The following CD207 variants were observed in gnomAD, a reference collection of about 807,000 sequenced individuals.
CD207 encodes C-type lectin domain family 4 member K.
Under a neutral mutation model 31.6 loss-of-function variants are expected in CD207, and 28 were observed. The observed-to-expected ratio is 0.89, with a 90% CI of 0.66 to 1.21. The LOEUF is 1.21. Ranked by LOEUF, CD207 falls within the 50% of genes most tolerant of loss-of-function variation. CD207 has a pLI of 0.00. For synonymous variants in CD207, 168 were observed against 153.9 expected (o/e 1.09, Z -0.68); for missense variants, 388 against 397.8 (o/e 0.98, Z 0.21).
downstream of CD207, among the ~76,000 whole-genome samples, chr2:70,829,831 G>T (rs1407068559): frequency 7.2e-5 from 11 of 152,132 alleles, no homozygotes; most frequent in Admixed American, 7.2e-4. Context: ...CTCTGTGGTG[G>T]CTGCTGCCTG....
chr2:70,834,598 C>T (rs1483644069), intron 2 of CD207, among the ~76,000 whole-genome samples: 3 of 152,146 alleles, frequency 2.0e-5, no homozygotes, highest in African/African-American at 7.2e-5. Context: ...TTCCCTTGCC[C>T]CACCCACTTT....
At position 70,833,940 on chromosome 2, in the gene CD207, G is replaced by T. The variant is rs782461482; in HGVS notation, c.271C>A (p.Leu91Met). 1 of 1,574,628 alleles carries T rather than the reference G, an allele frequency of 6.4e-7. No homozygotes were observed. Among genetic ancestry groups the T allele is most frequent in the Admixed American group, 1.8e-5 (1 of 55,570 alleles). ...CTATTCTTTTTAATTTCAGAATCCA[G>T]GGTGCTGATGTTGTCCACACGACCT... Reference protein sequence around the residue: ...LKGRVDNISTLDSEIKKNSDG... With the variant: ...LKGRVDNISTMDSEIKKNSDG... The change falls in exon 3 of 6, where the codon CTG becomes ATG. Residue 91 changes from leucine to methionine, a missense_variant. Coordinates refer to ENST00000410009, the MANE Select transcript of CD207 (RefSeq NM_015717.5).
chr2:70,834,563 G>A (rs1553400616), intron 2 of CD207, among the ~76,000 whole-genome samples: 1 of 152,158 alleles, frequency 6.6e-6, no homozygotes, highest in African/African-American at 2.4e-5. Context: ...ACATGGAAGA[G>A]GAGATTACAA....
chr2:70,825,061 A>G, the CD207 span, among the ~76,000 whole-genome samples: 1 of 152,204 alleles, frequency 6.6e-6, no homozygotes, highest in Non-Finnish European at 1.5e-5. Context: ...AATGAATTCT[A>G]TTGATGGTAT....
downstream of CD207, among the ~76,000 whole-genome samples, chr2:70,826,272 G>C (rs13015834): frequency 6.6e-6 from 1 of 151,950 alleles, no homozygotes. Flanking sequence ...AATCTAGTCT[G>C]AGCTCTGAAA....
In CD207 at chr2:70,835,612, T is replaced by A. The variant is rs782811569; in HGVS notation, c.74-5A>T. 6.2e-7 allele frequency: 1 copy of A among 1,613,370 alleles called. No individual in the cohort carries two copies. Among genetic ancestry groups the A allele is most frequent in the Non-Finnish European group, 8.5e-7 (1 of 1,179,368 alleles). The stretch of plus-strand genomic sequence containing the variant: ...GACCGGACTTGGGAGGAGGCTCTGT[T>A]GGAAGAAGAAGAAAATGTGTGTTGA... On this transcript the variant is annotated splice_polypyrimidine_tract_variant and splice_region_variant and intron_variant, in intron 1 of 5. Transcript: ENST00000410009.
the CD207 span, among the ~76,000 whole-genome samples, chr2:70,824,567 C>G: frequency 1.6e-5 from 2 of 126,662 alleles, no homozygotes; most frequent in Non-Finnish European, 3.1e-5. Context: ...AGGAAATACT[C>G]AAGATGAGCC....
chr2:70,832,860 C>T (rs1020317527), intron 4 of CD207, 40 bp downstream of exon 4: 4 of 1,580,746 alleles, frequency 2.5e-6, no homozygotes, highest in Non-Finnish European at 3.4e-6. Flanking sequence ...GCCCAGTGCT[C>T]ATACGCCCCC....
At chr2:70,833,251 G>A (rs1677522503) in intron 3 of CD207, among the ~76,000 whole-genome samples, 200 bp from the exon 4 acceptor site, 1 of 152,136 alleles carries the variant, frequency 6.6e-6, no homozygotes, top group Non-Finnish European at 1.5e-5. Context: ...CTCTGGGACT[G>A]GAGAGGTTAT....
rs545026814 is a variant in CD207 at position 70,831,558 on chromosome 2, G to A, written c.836+143C>T. The A allele has an allele frequency of 9.0e-4, 602 of 665,920 alleles. 2 individuals carry two copies. Among genetic ancestry groups the A allele is most frequent in the Admixed American group, 1.3e-3 (59 of 44,368 alleles). 41.3% of individuals were successfully genotyped at this position (665,920 alleles called of 1,614,324 possible). On this transcript the variant is annotated intron_variant, in intron 5 of 5. Transcript: ENST00000410009. ...GCCAGTTGGTGACAGGGTTGTGCTC[G>A]ATCTTGGTTGCAATGTTCCTGTCAC...
chr2:70,824,638 A>AAAAAAAAAC, the CD207 span, among the ~76,000 whole-genome samples: 1 of 150,144 alleles, frequency 6.7e-6, no homozygotes, highest in African/African-American at 2.4e-5. Context: ...AAAAAAAAAA[A>AAAAAAAAAC]AAAAAAAACT....
chr2:70,826,389 T>TG (rs1553398901), downstream of CD207, among the ~76,000 whole-genome samples: 166 of 133,848 alleles, frequency 1.2e-3, no homozygotes, highest in African/African-American at 4.1e-3. Context: ...TAAATTAAAT[T>TG]AAATTAAAAC....
the CD207 span, among the ~76,000 whole-genome samples, chr2:70,824,620 ACC>A: frequency 3.2e-4 from 25 of 77,658 alleles, no homozygotes; most frequent in East Asian, 4.2e-4. Context: ...ATGCTTAGTT[ACC>A]AAAAAAAAAA....
In CD207 at chr2:70,831,879, C is replaced by A; in HGVS notation, c.718-60G>T. The A allele has an allele frequency of 2.7e-6, 3 of 1,119,750 alleles. No homozygotes were observed. In the South Asian group the frequency reaches 3.7e-5, roughly 14 times the overall value. 69.4% of individuals were successfully genotyped at this position (1,119,750 alleles called of 1,614,324 possible). A position where few individuals can be genotyped will look rare whatever the true frequency, so the allele number is the denominator to read the frequency against. On this transcript the variant is annotated intron_variant, in intron 4 of 5. Coordinates refer to ENST00000410009, the MANE Select transcript of CD207 (RefSeq NM_015717.5). ...ACACTTGGAGCTTGATCATCTGTCT[C>A]TGGGTGTTCTTCACCTGCGCTCAGT...
chr2:70,828,284 C>T (rs1157834183), downstream of CD207, among the ~76,000 whole-genome samples: 2 of 152,166 alleles, frequency 1.3e-5, no homozygotes, highest in African/African-American at 4.8e-5. Context: ...AGCGACCTCC[C>T]TGGAGAAGCA....
chr2:70,831,673 G>T, intron 5 of CD207, 28 bp downstream of exon 5: 1 of 1,399,926 alleles, frequency 7.1e-7, no homozygotes, highest in Non-Finnish European at 1.0e-6. Context: ...GGAAAGTCAG[G>T]CTGGCACGGA....
chr2:70,831,688 T>TCC lies in CD207; in HGVS notation c.836+11_836+12dup. ...GGAAAGTCAGGCTGGCACGGAGGGC[T>TCC]CCAGGGGCTTACCTCACACTTTGGA... On this transcript the variant is annotated intron_variant, in intron 5 of 5. Transcript: ENST00000410009. 1 of 1,545,192 alleles carries TCC rather than the reference T, an allele frequency of 6.5e-7. No individual in the cohort carries two copies. Among genetic ancestry groups the TCC allele is most frequent in the East Asian group, 2.2e-5 (1 of 44,528 alleles).
Position 70,830,455 on chromosome 2 carries a change from G to A in CD207, c.*595C>T, listed in dbSNP as rs191974180. On this transcript the variant is annotated 3_prime_UTR_variant, in exon 6 of 6. Transcript: ENST00000410009. ...TGGGTGCCAGCCGAGCTCTGAAGGAGATACAAGTCCGTGTCAGCCACTGAC... is the reference window on the plus strand; with the variant it reads ...TGGGTGCCAGCCGAGCTCTGAAGGAAATACAAGTCCGTGTCAGCCACTGAC... 14 of 152,648 alleles carry A rather than the reference G, an allele frequency of 9.2e-5. No individual in the cohort carries two copies. The highest frequency in any genetic ancestry group is 1.9e-4 in the East Asian group (1 of 5,196). 9.5% of individuals were successfully genotyped at this position (152,648 alleles called of 1,614,324 possible).
chr2:70,833,530 C>T (rs1677528615), intron 3 of CD207, 116 bp downstream of exon 3: 2 of 1,204,604 alleles, frequency 1.7e-6, no homozygotes, highest in Non-Finnish European at 2.2e-6. Context: ...CCATGGCTGC[C>T]CCTCTTTTGC....
Sources: gnomAD v4.1 joint callset for allele counts (sites outside exome capture counted in the v4.1 genomes callset) on GRCh38, gnomAD v4.1.1 for gene constraint, MANE v1.5 for transcripts, NCBI Gene and HGNC (gene_info 2026-07-23, HGNC 2026-07-21) for gene names.